BMPR1A: variants seen among roughly 807,000 people sequenced by gnomAD.
BMPR1A encodes the protein bone morphogenetic protein receptor type-1A.
In BMPR1A, 7 loss-of-function variants were observed where a neutral mutation model predicts 66.0. The ratio of observed to expected loss-of-function variants is 0.11; its 90% CI spans 0.06 to 0.20. The LOEUF (loss-of-function observed/expected upper bound fraction) is 0.20, where lower values mean the gene tolerates loss of function less well. BMPR1A is among the 10% of genes least tolerant of loss of function. The pLI is 1.00. For synonymous variants in BMPR1A, 200 were observed against 229.7 expected (o/e 0.87, Z 1.17); for missense variants, 408 against 669.1 (o/e 0.61, Z 4.31).
intron 2 of BMPR1A, among the ~76,000 whole-genome samples, chr10:86,856,474 A>G (rs1842644252): frequency 1.3e-5 from 2 of 152,210 alleles, no homozygotes; most frequent in South Asian, 4.1e-4. Context: ...GTCCAGATTT[A>G]CACATGCCAT....
At chr10:86,876,548 C>A (rs1232153394) in intron 3 of BMPR1A, among the ~76,000 whole-genome samples, 1 of 152,052 alleles carries the variant, frequency 6.6e-6, no homozygotes, top group Non-Finnish European at 1.5e-5. Context: ...CTTTGGGAGG[C>A]CGAGGTGGGC....
At chr10:86,767,856 C>G (rs1187881880) in intron 1 of BMPR1A, among the ~76,000 whole-genome samples, 1 of 152,088 alleles carries the variant, frequency 6.6e-6, no homozygotes, top group Non-Finnish European at 1.5e-5. Flanking sequence ...TCTCTTGTCG[C>G]TGGAGAGAAT....
chr10:86,898,242 A>G (rs536113144), intron 5 of BMPR1A, among the ~76,000 whole-genome samples: 1 of 145,586 alleles, frequency 6.9e-6, no homozygotes, highest in East Asian at 3.4e-4. Flanking sequence ...AGGGACGTAT[A>G]TAACACATAT....
intron 1 of BMPR1A, among the ~76,000 whole-genome samples, chr10:86,794,823 T>G (rs899489625): frequency 3.3e-5 from 5 of 150,032 alleles, no homozygotes; most frequent in Non-Finnish European, 7.4e-5. Context: ...TATATCTATA[T>G]CTATAGATAT....
At chr10:86,911,705 G>A (rs765169875) in intron 7 of BMPR1A, among the ~76,000 whole-genome samples, 9 of 151,994 alleles carry the variant, frequency 5.9e-5, no homozygotes, top group Non-Finnish European at 1.0e-4. Flanking sequence ...AACTGAGATC[G>A]TACCACTGCA....
At chr10:86,918,184 A>G (rs901246563) in intron 9 of BMPR1A, among the ~76,000 whole-genome samples, 3 of 152,248 alleles carry the variant, frequency 2.0e-5, no homozygotes, top group Non-Finnish European at 4.4e-5. Context: ...CAGCCATTGA[A>G]TTCGGGCCCA....
chr10:86,758,893 C>T (rs368170511), intron 1 of BMPR1A, among the ~76,000 whole-genome samples: 2 of 152,328 alleles, frequency 1.3e-5, no homozygotes, highest in East Asian at 1.9e-4. Context: ...GATGCCTCTC[C>T]TTGGGTTTCA....
chr10:86,926,653 G>A lies in BMPR1A; in HGVS notation c.*2934G>A, dbSNP rs1286147427. On this transcript the variant is annotated 3_prime_UTR_variant, in exon 13 of 13. Transcript: ENST00000372037. ...AATATTTAAAGAATATGATAGGCCAGCAAGAAGAAGTATTATGTAGTACCA... is the reference window on the plus strand; with the variant it reads ...AATATTTAAAGAATATGATAGGCCAACAAGAAGAAGTATTATGTAGTACCA... The A allele has an allele frequency of 5.5e-6, 1 of 183,166 alleles. No homozygotes were observed. The highest frequency in any genetic ancestry group is 1.2e-5 in the Non-Finnish European group (1 of 86,198). The allele number at this position is 183,166 out of a possible 1,614,324, so 11.3% of individuals were successfully genotyped here.
intron 2 of BMPR1A, among the ~76,000 whole-genome samples, chr10:86,846,171 A>G (rs1326006657): frequency 6.6e-6 from 1 of 152,098 alleles, no homozygotes; most frequent in Non-Finnish European, 1.5e-5. Context: ...TGGGTAGGGA[A>G]GGCAAGCCCG....
chr10:86,879,278 C>G (rs1842957826), intron 3 of BMPR1A, among the ~76,000 whole-genome samples: 1 of 152,194 alleles, frequency 6.6e-6, no homozygotes, highest in African/African-American at 2.4e-5. Flanking sequence ...GTTTGTGTCT[C>G]TTTTTAATTG....
At chr10:86,840,966 T>TGA (rs1423820415) in intron 2 of BMPR1A, among the ~76,000 whole-genome samples, 1 of 152,228 alleles carries the variant, frequency 6.6e-6, no homozygotes, top group African/African-American at 2.4e-5. Flanking sequence ...GTGCTGCTTC[T>TGA]CGCTCCTACT....
intron 2 of BMPR1A, chr10:86,854,850 C>A: frequency 4.1e-6 from 1 of 243,526 alleles, no homozygotes; most frequent in South Asian, 7.6e-5. Context: ...AAAGACTCTT[C>A]CAAGCTGTTG....
intron 5 of BMPR1A, among the ~76,000 whole-genome samples, chr10:86,897,467 G>GT (rs1345524494): frequency 6.6e-6 from 1 of 152,144 alleles, no homozygotes; most frequent in Non-Finnish European, 1.5e-5. Flanking sequence ...GGACTTAGAA[G>GT]TTTTTTGGCT....
At chr10:86,856,128 A>G in intron 2 of BMPR1A, 1 of 520,054 alleles carries the variant, frequency 1.9e-6, no homozygotes, top group Non-Finnish European at 3.8e-6. Context: ...TGGTTTTGAA[A>G]TTTTATATTT....
At chr10:86,799,520 CT>C (rs59291285) in intron 1 of BMPR1A, among the ~76,000 whole-genome samples, 1,433 of 123,590 alleles carry the variant, frequency 0.012, 43 homozygotes, top group East Asian at 0.057. Context: ...CTTTTCTTTT[CT>C]TTTCTTTTCT....
At chr10:86,780,221 G>C (rs1841415877) in intron 1 of BMPR1A, among the ~76,000 whole-genome samples, 1 of 152,188 alleles carries the variant, frequency 6.6e-6, no homozygotes, top group Non-Finnish European at 1.5e-5. Flanking sequence ...TGTTGGATGA[G>C]TAGTTTGCAA....
chr10:86,761,913 C>T (rs1315199024), intron 1 of BMPR1A, among the ~76,000 whole-genome samples: 1 of 152,102 alleles, frequency 6.6e-6, no homozygotes, highest in African/African-American at 2.4e-5. Flanking sequence ...CTGAAACAGC[C>T]AAGTAGGGAT....
chr10:86,869,221 C>T (rs1842822701), intron 2 of BMPR1A, among the ~76,000 whole-genome samples: 1 of 152,076 alleles, frequency 6.6e-6, no homozygotes, highest in Non-Finnish European at 1.5e-5. Context: ...CTTTGAGAGG[C>T]CGAGGTGGAC....
rs560460494 is a variant in BMPR1A at position 86,832,203 on chromosome 10, C to T, written c.-267-6662C>T. Among the ~76,000 whole-genome samples the T allele has an allele frequency of 3.9e-5, 6 of 152,244 alleles. No individual in the cohort carries two copies. In the South Asian group the frequency reaches 8.3e-4, roughly 21 times the overall value. ...TTGAAAAAGGCCGGGCGCGGTGGCT[C>T]ATACCTGTAATCCCAGCACTCTGGG... is the stretch of plus-strand genomic sequence containing the variant. On this transcript the variant is annotated intron_variant, in intron 1 of 12. Coordinates refer to ENST00000372037, the MANE Select transcript of BMPR1A (RefSeq NM_004329.3).
Sources: allele counts gnomAD v4.1 joint callset (sites outside exome capture counted in the v4.1 genomes callset), GRCh38; gene constraint gnomAD v4.1.1; transcripts MANE v1.5; gene names NCBI Gene and HGNC (gene_info 2026-07-23, HGNC 2026-07-21).